The following REPS1 variants were observed in gnomAD, a reference collection of about 807,000 sequenced individuals.
REPS1 encodes the protein ralBP1-associated Eps domain-containing protein 1.
In REPS1, 39 loss-of-function variants were observed where a neutral mutation model predicts 100.9. That is an observed-to-expected ratio of 0.39 (90% CI 0.30 to 0.50). REPS1 has a LOEUF of 0.50. Ranked by LOEUF, REPS1 falls within the 20% of genes least tolerant of loss-of-function variation. The probability of loss-of-function intolerance (pLI) is 0.86; values close to 1 mark genes in which losing one functional copy is unlikely to be tolerated. For missense variants in REPS1, 821 were observed against 968.5 expected (o/e 0.85, Z 2.02); for synonymous variants, 324 against 340.3 (o/e 0.95, Z 0.53).
intron 8 of REPS1, among the ~76,000 whole-genome samples, chr6:138,936,278 G>A (rs181606172): frequency 1.4e-3 from 208 of 151,904 alleles, no homozygotes; most frequent in African/African-American, 4.8e-3. Flanking sequence ...CTGTAACCTC[G>A]AACTCCTAGC....
chr6:138,917,637 G>A lies in REPS1; in HGVS notation c.1529-10C>T. ...CTACTGTAACCATCTGCTGATAAAT[G>A]GGATATGTCCTATTTAATAATAATC... On this transcript the variant is annotated splice_polypyrimidine_tract_variant and intron_variant, in intron 12 of 19. Coordinates refer to ENST00000450536, the MANE Select transcript of REPS1 (RefSeq NM_001286611.2). 1.9e-6 allele frequency: 3 copies of A among 1,598,442 alleles called. No individual in the cohort carries two copies. Among genetic ancestry groups the A allele is most frequent in the Non-Finnish European group, 1.7e-6 (2 of 1,166,422 alleles).
At chr6:138,922,282 T>A (rs893668991) in intron 10 of REPS1, among the ~76,000 whole-genome samples, 7 of 152,168 alleles carry the variant, frequency 4.6e-5, no homozygotes, top group Admixed American at 3.9e-4. Flanking sequence ...TAATTCAAAG[T>A]GTTTAAATTT....
At position 138,987,737 on chromosome 6, in the gene REPS1, C is replaced by T. The variant is rs1240079797; in HGVS notation, c.-55G>A. 4 of 1,455,004 alleles carry T rather than the reference C, an allele frequency of 2.7e-6. No homozygotes were observed. Among genetic ancestry groups the T allele is most frequent in the Non-Finnish European group, 3.6e-6 (4 of 1,100,898 alleles). The allele number at this position is 1,455,004 out of a possible 1,614,324, so 90.1% of individuals were successfully genotyped here. A position where few individuals can be genotyped will look rare whatever the true frequency, so the allele number is the denominator to read the frequency against. ...CCGCATGCACTACTCGGGGCCCGGC[C>T]CCAGGAACCTGGGCCGGCAGGGGCT... On this transcript the variant is annotated 5_prime_UTR_variant, in exon 1 of 20. Coordinates refer to ENST00000450536, the MANE Select transcript of REPS1 (RefSeq NM_001286611.2).
intron 15 of REPS1, among the ~76,000 whole-genome samples, chr6:138,913,202 T>A (rs1441727864): frequency 6.6e-6 from 1 of 152,114 alleles, no homozygotes; most frequent in Non-Finnish European, 1.5e-5. Context: ...AAAAACTGTA[T>A]TGCAAAGAAA....
At chr6:138,921,797 C>G (rs1034866694) in intron 10 of REPS1, among the ~76,000 whole-genome samples, 5 of 151,824 alleles carry the variant, frequency 3.3e-5, no homozygotes, top group African/African-American at 9.7e-5. Flanking sequence ...AGGCTGGTCT[C>G]GAACTCCTGA....
At position 138,974,480 on chromosome 6, in the gene REPS1, T is replaced by C. The variant is rs374999967; in HGVS notation, c.153+13050A>G. 4.6e-5 allele frequency among the ~76,000 whole-genome samples: 7 copies of C among 152,254 alleles called. No individual in the cohort carries two copies. In the South Asian group the frequency reaches 6.2e-4, roughly 14 times the overall value. On this transcript the variant is annotated intron_variant, in intron 1 of 19. Coordinates refer to ENST00000450536, the MANE Select transcript of REPS1 (RefSeq NM_001286611.2). ...GACTATGTGTCCAGGTGTTTAGGGG[T>C]TGTTTATACAAATAGCTAAAACCTC...
Position 138,908,947 on chromosome 6 carries a change from C to T in REPS1, c.2068-131G>A, listed in dbSNP as rs982820424. On this transcript the variant is annotated intron_variant, in intron 17 of 19. Coordinates refer to ENST00000450536, the MANE Select transcript of REPS1 (RefSeq NM_001286611.2). ...GAAAGTTACTTGTCCTACTTTAAAT[C>T]TATATATTTGTGGCAAGAGCTAACT... is the stretch of plus-strand genomic sequence containing the variant. 3.9e-5 allele frequency: 31 copies of T among 797,414 alleles called. No homozygotes were observed. In the East Asian group the frequency reaches 8.7e-4, roughly 22 times the overall value. The allele number at this position is 797,414 out of a possible 1,614,324, so 49.4% of individuals were successfully genotyped here.
At chr6:138,906,822 A>G (rs1227453221) in intron 19 of REPS1, among the ~76,000 whole-genome samples, 1 of 152,176 alleles carries the variant, frequency 6.6e-6, no homozygotes, top group East Asian at 1.9e-4. Context: ...ATGACCCAAG[A>G]TTACCTGTAT....
At position 138,956,362 on chromosome 6, in the gene REPS1, A is replaced by G. The variant is rs147835796; in HGVS notation, c.154-8449T>C. On this transcript the variant is annotated intron_variant, in intron 1 of 19. Coordinates refer to ENST00000450536, the MANE Select transcript of REPS1 (RefSeq NM_001286611.2). Reference sequence around the variant, plus strand: ...TTTGCCCAACAAAATCCAGAGACTCACCCAGAAATGCTAGGTATGACTAGG... The same window carrying G: ...TTTGCCCAACAAAATCCAGAGACTCGCCCAGAAATGCTAGGTATGACTAGG... Among the ~76,000 whole-genome samples, 614 of 152,206 alleles carry G rather than the reference A, an allele frequency of 4.0e-3. 6 individuals are homozygous for G. Among genetic ancestry groups the G allele is most frequent in the African/African-American group, 0.014 (569 of 41,512 alleles).
intron 1 of REPS1, among the ~76,000 whole-genome samples, chr6:138,975,561 C>T (rs1201996363): frequency 1.3e-5 from 2 of 152,164 alleles, no homozygotes; most frequent in Non-Finnish European, 2.9e-5. Flanking sequence ...AAGAACCAGG[C>T]ACTATCAGTT....
intron 1 of REPS1, among the ~76,000 whole-genome samples, chr6:138,972,244 C>T (rs1230029100): frequency 2.0e-5 from 3 of 151,650 alleles, no homozygotes; most frequent in Non-Finnish European, 4.4e-5. Context: ...GGAATAAGCA[C>T]GAAAGTGAGG....
chr6:138,915,795 T>C (rs1374231583), intron 14 of REPS1, 63 bp downstream of exon 14: 5 of 1,147,632 alleles, frequency 4.4e-6, no homozygotes, highest in Admixed American at 2.0e-5. Context: ...ATAAAATGTG[T>C]ATGTGTGTTG....
intron 13 of REPS1, among the ~76,000 whole-genome samples, chr6:138,917,274 T>C (rs1267221203): frequency 6.6e-6 from 1 of 152,216 alleles, no homozygotes; most frequent in Non-Finnish European, 1.5e-5. Context: ...ACTTGACAGA[T>C]TCTCGTTGTT....
intron 16 of REPS1, among the ~76,000 whole-genome samples, chr6:138,912,472 C>T (rs898917164): frequency 6.6e-6 from 1 of 152,186 alleles, no homozygotes; most frequent in Non-Finnish European, 1.5e-5. Flanking sequence ...TTCACCAAAT[C>T]ACACAGACAG....
intron 18 of REPS1, among the ~76,000 whole-genome samples, chr6:138,908,451 C>T (rs1001845210): frequency 6.6e-6 from 1 of 152,132 alleles, no homozygotes; most frequent in East Asian, 1.9e-4. Flanking sequence ...TGTACCACCA[C>T]ACCCGGCTAA....
chr6:138,959,073 A>C (rs1025765020), intron 1 of REPS1, among the ~76,000 whole-genome samples: 1 of 152,184 alleles, frequency 6.6e-6, no homozygotes, highest in Non-Finnish European at 1.5e-5. Context: ...TTCTTCCACC[A>C]TGACATGCTA....
chr6:138,977,959 C>T lies in REPS1; in HGVS notation c.153+9571G>A, dbSNP rs1259074436. On this transcript the variant is annotated intron_variant, in intron 1 of 19. Coordinates refer to ENST00000450536, the MANE Select transcript of REPS1 (RefSeq NM_001286611.2). ...CTCTGGTCAGTGTGTGATAGTATATCACTGTGATTTAATTTGCATTTCCCT... is the reference window on the plus strand; with the variant it reads ...CTCTGGTCAGTGTGTGATAGTATATTACTGTGATTTAATTTGCATTTCCCT... Among the ~76,000 whole-genome samples, 23 of 152,200 alleles carry T rather than the reference C, an allele frequency of 1.5e-4. 1 individual carries two copies. The highest frequency in any genetic ancestry group is 1.5e-5 in the Non-Finnish European group (1 of 68,036).
intron 1 of REPS1, among the ~76,000 whole-genome samples, chr6:138,978,330 C>G (rs1418245389): frequency 6.6e-6 from 1 of 151,088 alleles, no homozygotes; most frequent in Non-Finnish European, 1.5e-5. Flanking sequence ...GCTCTGTTGC[C>G]CAGGCTGGAG....
intron 1 of REPS1, among the ~76,000 whole-genome samples, chr6:138,969,450 A>G (rs933036300): frequency 7.3e-6 from 1 of 137,886 alleles, no homozygotes; most frequent in African/African-American, 2.9e-5. Context: ...GCAGCTGGCC[A>G]ATTTTTTTTT....
Sources: allele counts gnomAD v4.1 joint callset (sites outside exome capture counted in the v4.1 genomes callset), GRCh38; gene constraint gnomAD v4.1.1; transcripts MANE v1.5; gene names NCBI Gene and HGNC (gene_info 2026-07-23, HGNC 2026-07-21).